DEK: variants seen among roughly 807,000 people sequenced by gnomAD.
The protein encoded by DEK is DEK proto-oncogene.
In DEK, 28 loss-of-function variants were observed where a neutral mutation model predicts 46.8. The observed-to-expected ratio is 0.60, with a 90% CI of 0.44 to 0.82. The LOEUF (loss-of-function observed/expected upper bound fraction) is 0.82, where lower values mean the gene tolerates loss of function less well. Ranked by LOEUF, DEK falls within the 40% of genes least tolerant of loss-of-function variation. DEK has a pLI of 0.00. For synonymous variants in DEK, 160 were observed against 144.5 expected (o/e 1.11, Z -0.77); for missense variants, 416 against 430.6 (o/e 0.97, Z 0.30).
intron 1 of DEK, 31 bp from the exon 2 acceptor site, chr6:18,264,027 G>C: frequency 2.5e-6 from 4 of 1,571,032 alleles, no homozygotes; most frequent in Non-Finnish European, 3.5e-6. Flanking sequence ...GGACGTCTCG[G>C]TCCTCCTACT....
chr6:18,259,394 C>CAAAAAAAAAAAAAAAAAAAAAAAA (rs56704006), intron 2 of DEK, among the ~76,000 whole-genome samples: 2 of 41,480 alleles, frequency 4.8e-5, no homozygotes, highest in South Asian at 7.0e-4. Flanking sequence ...GACTCCGTCT[C>CAAAAAAAAAAAAAAAAAAAAAAAA]AAAAAAAAAA....
At chr6:18,242,850 T>C (rs943250319) in intron 7 of DEK, among the ~76,000 whole-genome samples, 4 of 152,158 alleles carry the variant, frequency 2.6e-5, no homozygotes, top group African/African-American at 9.7e-5. Context: ...AGATCTATAG[T>C]AAGAACAAAT....
chr6:18,246,762 T>G (rs1791136193), intron 7 of DEK, among the ~76,000 whole-genome samples: 1 of 152,214 alleles, frequency 6.6e-6, no homozygotes, highest in East Asian at 1.9e-4. Flanking sequence ...GAATAGAGTA[T>G]ATTTGACTAT....
At chr6:18,255,885 A>G (rs1791572530) in intron 5 of DEK, 34 bp from the exon 6 acceptor site, 1 of 1,582,124 alleles carries the variant, frequency 6.3e-7, no homozygotes, top group African/African-American at 1.4e-5. Context: ...CAAGGTGTTA[A>G]TATAGGAAAG....
rs372286519 is a variant in DEK, at chr6:18,264,527, C to G, written c.-152G>C. ...CGCGCGCTCGGCTCCCCAGAATCAA[C>G]AAGATTTTCAAAATGGCGGTTCGGG... On this transcript the variant is annotated 5_prime_UTR_variant, in exon 1 of 11. Transcript: ENST00000652689. 1 of 218,784 alleles carries G rather than the reference C, an allele frequency of 4.6e-6. No homozygotes were observed. The highest frequency in any genetic ancestry group is 1.1e-4 in the East Asian group (1 of 8,768). 13.6% of individuals were successfully genotyped at this position (218,784 alleles called of 1,614,324 possible).
At chr6:18,229,122 C>T (rs929445841) in intron 9 of DEK, among the ~76,000 whole-genome samples, 1 of 152,216 alleles carries the variant, frequency 6.6e-6, no homozygotes, top group Non-Finnish European at 1.5e-5. Context: ...CCCAGGCAAA[C>T]AGGGTCTGCA....
rs1790706536 is a variant in DEK, at chr6:18,237,477, T to C, written c.802A>G (p.Lys268Glu). ...GATTTTTTACTTTTAGAAGTAGCTTTCTGTTTAGGTTTTTCTCTTTTGGCT... is the reference window on the plus strand; with the variant it reads ...GATTTTTTACTTTTAGAAGTAGCTTCCTGTTTAGGTTTTTCTCTTTTGGCT... ...KTAKREKPKQ[K>E]ATSKSKKSVK... Residue 268 changes from lysine (K) to glutamate (E), a missense_variant, in exon 8 of 11, where the codon AAA becomes GAA. By Grantham distance (56) the Lys-to-Glu change is moderately conservative. Coordinates refer to ENST00000652689, the MANE Select transcript of DEK (RefSeq NM_003472.4). 1 of 1,610,066 alleles carries C rather than the reference T, an allele frequency of 6.2e-7. No homozygotes were observed. The highest frequency in any genetic ancestry group is 1.3e-5 in the African/African-American group (1 of 74,610).
rs1301219740 is a variant in DEK, at chr6:18,225,496, A to G, written c.*223T>C. 2 of 472,052 alleles carry G rather than the reference A, an allele frequency of 4.2e-6. No homozygotes were observed. Among genetic ancestry groups the G allele is most frequent in the Non-Finnish European group, 7.5e-6 (2 of 267,052 alleles). The allele number at this position is 472,052 out of a possible 1,614,324, so 29.2% of individuals were successfully genotyped here. ...AAATACAACTATAAAAGCAAGGAAC[A>G]ATTAATGCCATGCAAGATTTTAAAC... On this transcript the variant is annotated 3_prime_UTR_variant, in exon 11 of 11. Coordinates refer to ENST00000652689, the MANE Select transcript of DEK (RefSeq NM_003472.4).
intron 2 of DEK, among the ~76,000 whole-genome samples, chr6:18,259,704 TAAGA>T (rs1399268751): frequency 6.6e-6 from 1 of 152,122 alleles, no homozygotes; most frequent in Non-Finnish European, 1.5e-5. Context: ...CAAAACATCT[TAAGA>T]AAGATACACA....
At chr6:18,227,275 A>G (rs1790180480) in intron 9 of DEK, among the ~76,000 whole-genome samples, 2 of 152,112 alleles carry the variant, frequency 1.3e-5, no homozygotes, top group Non-Finnish European at 2.9e-5. Context: ...TCTCGGTATA[A>G]AACCCGATTG....
intron 9 of DEK, among the ~76,000 whole-genome samples, chr6:18,231,394 C>A (rs764128077): frequency 1.2e-4 from 18 of 152,070 alleles, no homozygotes; most frequent in African/African-American, 4.3e-4. Context: ...GAGACACAGA[C>A]ACAAAAAAAC....
In DEK at chr6:18,263,914, A is replaced by T. The variant is rs147438759; in HGVS notation, c.74T>A (p.Met25Lys). ...CTCGCTCTCCTCTCTGGGACCGGGC[A>T]TTTCGGGTTCTTTCTCGGACGCGGG... ...TQPASEKEPE[M>K]PGPREESEEE... The change falls in exon 2 of 11, where the codon ATG (methionine) becomes AAG (lysine). Residue 25 changes from methionine to lysine, a missense_variant. Physicochemically the swap from Met to Lys is moderately conservative, Grantham distance 95. Coordinates refer to ENST00000652689, the MANE Select transcript of DEK (RefSeq NM_003472.4). The T allele has an allele frequency of 6.2e-7, 1 of 1,611,080 alleles. No individual in the cohort carries two copies. Among genetic ancestry groups the T allele is most frequent in the Non-Finnish European group, 8.5e-7 (1 of 1,178,708 alleles).
chr6:18,254,536 T>C (rs140893938), intron 6 of DEK, among the ~76,000 whole-genome samples: 65 of 152,332 alleles, frequency 4.3e-4, no homozygotes, highest in African/African-American at 1.4e-3. Context: ...TTTTCAGTTC[T>C]AATGTCAAAT....
chr6:18,248,438 T>C (rs903941904), intron 7 of DEK, among the ~76,000 whole-genome samples: 1 of 152,286 alleles, frequency 6.6e-6, no homozygotes, highest in East Asian at 1.9e-4. Flanking sequence ...CTGTTATATA[T>C]ATACATACAA....
Position 18,249,634 on chromosome 6 carries a change from A to T in DEK, c.762+17T>A, listed in dbSNP as rs1334676966. ...CCATGGAAAGAAATGATTTAAAAAT[A>T]TAGTAAAATATTTTACCTCCTCTTC... is the stretch of plus-strand genomic sequence containing the variant. On this transcript the variant is annotated intron_variant, in intron 7 of 10. Coordinates refer to ENST00000652689, the MANE Select transcript of DEK (RefSeq NM_003472.4). 2 of 1,542,824 alleles carry T rather than the reference A, an allele frequency of 1.3e-6. No individual in the cohort carries two copies. Among genetic ancestry groups the T allele is most frequent in the Non-Finnish European group, 1.7e-6 (2 of 1,149,228 alleles).
intron 7 of DEK, among the ~76,000 whole-genome samples, chr6:18,243,868 T>C (rs2151085538): frequency 6.6e-6 from 1 of 152,222 alleles, no homozygotes; most frequent in Middle Eastern, 3.4e-3. Flanking sequence ...TGCTAGCCAC[T>C]TGGTGGCAGG....
intron 2 of DEK, among the ~76,000 whole-genome samples, chr6:18,260,617 C>G (rs1419514105): frequency 4.6e-5 from 7 of 152,170 alleles, no homozygotes; most frequent in South Asian, 2.1e-4. Context: ...GCTAATCTGA[C>G]CCCTTTCTTA....
intron 7 of DEK, among the ~76,000 whole-genome samples, chr6:18,239,025 A>T (rs1173232313): frequency 6.6e-6 from 1 of 152,048 alleles, no homozygotes; most frequent in Non-Finnish European, 1.5e-5. Context: ...CCCGGGTTCA[A>T]GTGATTCTCC....
Position 18,226,201 on chromosome 6 carries a change from TTTTC to T in DEK, c.1085_1088del (p.Arg362LysfsTer4). On this transcript the variant is annotated frameshift_variant, in exon 10 of 11. Coordinates refer to ENST00000652689, the MANE Select transcript of DEK (RefSeq NM_003472.4). LOFTEE classifies it high-confidence loss of function. ...CTTTTACAGTTGTTTTTATGAAATC[TTTTC>T]TTTCAGTTAAATCATAAGTAGGATA... 7.4e-7 allele frequency: 1 copy of T among 1,343,806 alleles called. No individual in the cohort carries two copies. The highest frequency in any genetic ancestry group is 9.9e-7 in the Non-Finnish European group (1 of 1,008,092). 83.2% of individuals were successfully genotyped at this position (1,343,806 alleles called of 1,614,324 possible).
Sources: allele counts gnomAD v4.1 joint callset (sites outside exome capture counted in the v4.1 genomes callset), GRCh38; gene constraint gnomAD v4.1.1; transcripts MANE v1.5; gene names NCBI Gene and HGNC (gene_info 2026-07-23, HGNC 2026-07-21).